Variants in TTC27 observed in about 807,000 individuals in gnomAD.
TTC27 encodes tetratricopeptide repeat domain 27.
A neutral mutation model predicts 115.9 loss-of-function variants in TTC27; 79 were observed. The ratio of observed to expected loss-of-function variants is 0.68; its 90% CI spans 0.57 to 0.82. The LOEUF is 0.82. Ranked by LOEUF, TTC27 falls within the 40% of genes least tolerant of loss-of-function variation. The pLI is 0.00. For missense variants in TTC27, 1,054 were observed against 993.1 expected, an observed-to-expected ratio of 1.06 and a Z score of -0.82; for synonymous variants, 401 against 356.0, an observed-to-expected ratio of 1.13 and a Z score of -1.42.
At chr2:32,647,151 T>G (rs186689007) in intron 4 of TTC27, among the ~76,000 whole-genome samples, 1 of 152,084 alleles carries the variant, frequency 6.6e-6, no homozygotes, top group East Asian at 1.9e-4. Flanking sequence ...CTCTCTGTGT[T>G]GCCCAGGCTG....
intron 5 of TTC27, among the ~76,000 whole-genome samples, chr2:32,650,817 C>T (rs1665092927): frequency 6.6e-6 from 1 of 151,984 alleles, no homozygotes; most frequent in Non-Finnish European, 1.5e-5. Context: ...CAGAAAAATA[C>T]CTAAAACCTA....
intron 8 of TTC27, 51 bp downstream of exon 8, chr2:32,672,435 C>G (rs1224458738): frequency 1.5e-6 from 2 of 1,345,078 alleles, no homozygotes; most frequent in African/African-American, 1.4e-5. Context: ...TATTGATTCT[C>G]TTATGTGTGG....
chr2:32,639,730 G>A (rs566390998), intron 3 of TTC27, among the ~76,000 whole-genome samples: 10 of 152,128 alleles, frequency 6.6e-5, no homozygotes, highest in Middle Eastern at 3.4e-3. Flanking sequence ...CATGCCAGGC[G>A]CAGAAGCTTT....
intron 9 of TTC27, among the ~76,000 whole-genome samples, chr2:32,683,837 A>G (rs1178000595): frequency 2.0e-5 from 3 of 152,116 alleles, no homozygotes; most frequent in African/African-American, 7.2e-5. Context: ...GTTAATTCAT[A>G]CAGGTTTTTC....
At chr2:32,785,744 T>C (rs527370955) in intron 15 of TTC27, among the ~76,000 whole-genome samples, 2 of 152,174 alleles carry the variant, frequency 1.3e-5, no homozygotes, top group Non-Finnish European at 2.9e-5. Context: ...TACAGGCATG[T>C]GCCACTATGT....
At position 32,812,526 on chromosome 2, in the gene TTC27, C is replaced by G; in HGVS notation, c.2219C>G (p.Ala740Gly). 2.5e-6 allele frequency: 4 copies of G among 1,613,854 alleles called. No homozygotes were observed. The highest frequency in any genetic ancestry group is 3.4e-6 in the Non-Finnish European group (4 of 1,179,762). ...CAGGCATTCCAGTGCCTCTCAAAGG[C>G]ATACAAGTGTGACACCCAGTCCAAT... ...NEKAFQCLSK[A>G]YKCDTQSNCW... The change falls in exon 18 of 20, where the codon GCA (alanine) becomes GGA (glycine). Residue 740 changes from alanine (A) to glycine (G), a missense_variant. Transcript: ENST00000317907.
intron 16 of TTC27, among the ~76,000 whole-genome samples, chr2:32,805,794 C>T (rs962563899): frequency 1.3e-5 from 2 of 152,166 alleles, no homozygotes; most frequent in Non-Finnish European, 2.9e-5. Flanking sequence ...CTTTTCAAAC[C>T]TCTTACCTGT....
intron 16 of TTC27, among the ~76,000 whole-genome samples, chr2:32,795,531 CTTATTTAT>C (rs70938366): frequency 0.029 from 4,086 of 142,826 alleles, 82 homozygotes; most frequent in African/African-American, 0.05. Flanking sequence ...AGCTTCTTTT[CTTATTTAT>C]TTATTTATTT....
intron 16 of TTC27, among the ~76,000 whole-genome samples, chr2:32,805,514 A>G (rs1030692568): frequency 6.6e-6 from 1 of 152,216 alleles, no homozygotes; most frequent in African/African-American, 2.4e-5. Context: ...GAATTTAATG[A>G]AATCGGGTAG....
chr2:32,669,023 G>A (rs777342978), intron 7 of TTC27, among the ~76,000 whole-genome samples: 47 of 151,962 alleles, frequency 3.1e-4, no homozygotes, highest in African/African-American at 1.1e-3. Context: ...AGCTTGCAGT[G>A]AGCTGAGATC....
At chr2:32,702,957 A>T in intron 10 of TTC27, 37 bp downstream of exon 10, 1 of 1,399,916 alleles carries the variant, frequency 7.1e-7, no homozygotes, top group East Asian at 2.3e-5. Context: ...GCTTCTTCCA[A>T]CTCTCTATTG....
intron 18 of TTC27, among the ~76,000 whole-genome samples, chr2:32,816,749 G>A (rs992970253): frequency 1.3e-5 from 2 of 152,114 alleles, no homozygotes; most frequent in Admixed American, 1.3e-4. Flanking sequence ...CTTCCTGAAT[G>A]GTGCTTCAAA....
rs374922905 is a variant in TTC27, at chr2:32,736,912, T to C, written c.1452+96T>C. Reference sequence around the variant, plus strand: ...TTTTCAAACCCACTTTTGCCAATATTCACTTATATTCCTTTTTTCACTTTT... The same window carrying C: ...TTTTCAAACCCACTTTTGCCAATATCCACTTATATTCCTTTTTTCACTTTT... On this transcript the variant is annotated intron_variant, in intron 12 of 19. Coordinates refer to ENST00000317907, the MANE Select transcript of TTC27 (RefSeq NM_017735.5). The C allele has an allele frequency of 3.1e-4, 436 of 1,409,820 alleles. 1 individual carries two copies. The highest frequency in any genetic ancestry group is 3.1e-3 in the Middle Eastern group (17 of 5,568). 87.3% of individuals were successfully genotyped at this position (1,409,820 alleles called of 1,614,324 possible).
intron 13 of TTC27, among the ~76,000 whole-genome samples, chr2:32,759,000 A>T (rs1434965630): frequency 1.3e-5 from 2 of 152,228 alleles, no homozygotes; most frequent in African/African-American, 4.8e-5. Context: ...AAATGTTTAA[A>T]AGTTTTTAAA....
chr2:32,732,512 CCT>C (rs1668322770), intron 10 of TTC27, among the ~76,000 whole-genome samples: 1 of 152,170 alleles, frequency 6.6e-6, no homozygotes, highest in Admixed American at 6.5e-5. Context: ...AACTGGTCTC[CCT>C]GTCTTAGATT....
At chr2:32,639,592 C>G (rs1559181838) in intron 3 of TTC27, among the ~76,000 whole-genome samples, 1 of 152,130 alleles carries the variant, frequency 6.6e-6, no homozygotes, top group African/African-American at 2.4e-5. Flanking sequence ...ACACTATTTA[C>G]TATAAATACT....
chr2:32,707,276 G>A (rs1300137481), intron 10 of TTC27, among the ~76,000 whole-genome samples: 2 of 152,162 alleles, frequency 1.3e-5, no homozygotes, highest in African/African-American at 4.8e-5. Context: ...TGTGATGAGG[G>A]TCATCCCCTG....
intron 10 of TTC27, among the ~76,000 whole-genome samples, chr2:32,708,304 GTT>G (rs1158508588): frequency 3.6e-4 from 22 of 61,354 alleles, no homozygotes; most frequent in African/African-American, 9.8e-4. Flanking sequence ...TCTCTACCTT[GTT>G]TTTTTTTTTT....
intron 16 of TTC27, among the ~76,000 whole-genome samples, chr2:32,792,428 C>G (rs941996868): frequency 7.9e-5 from 12 of 152,104 alleles, no homozygotes; most frequent in African/African-American, 2.9e-4. Context: ...AAAGCTAAGG[C>G]TTGACATCTG....
Sources: allele counts gnomAD v4.1 joint callset (sites outside exome capture counted in the v4.1 genomes callset), GRCh38; gene constraint gnomAD v4.1.1; transcripts MANE v1.5; gene names NCBI Gene and HGNC (gene_info 2026-07-23, HGNC 2026-07-21).